Variants in PROSER2 observed in about 807,000 individuals in gnomAD.
PROSER2 encodes proline and serine rich 2, also known as proline and serine-rich protein 2.
A neutral mutation model predicts 14.6 loss-of-function variants in PROSER2; 18 were observed. The ratio of observed to expected loss-of-function variants is 1.23; its 90% confidence interval spans 0.85 to 1.83. PROSER2 has a LOEUF of 1.83. Ranked by LOEUF, PROSER2 falls within the 40% of genes most tolerant of loss-of-function variation. The pLI is 0.00. For missense variants in PROSER2, 823 were observed against 629.8 expected, an observed-to-expected ratio of 1.31 and a Z score of -3.28; for synonymous variants, 367 against 286.4, an observed-to-expected ratio of 1.28 and a Z score of -2.84.
At chr10:11,861,813 C>T (rs954087596) in intron 2 of PROSER2, among the ~76,000 whole-genome samples, 20 of 152,090 alleles carry the variant, frequency 1.3e-4, no homozygotes, top group African/African-American at 3.6e-4. Context: ...CCATGCCTCC[C>T]GAGGAATATA....
intron 1 of PROSER2, among the ~76,000 whole-genome samples, chr10:11,841,890 C>T (rs1346303742): frequency 1.3e-5 from 2 of 152,104 alleles, no homozygotes; most frequent in East Asian, 1.9e-4. Context: ...GATCAAACTT[C>T]CCATTATATT....
intron 2 of PROSER2, among the ~76,000 whole-genome samples, chr10:11,859,551 C>T (rs985129672): frequency 3.9e-5 from 6 of 152,186 alleles, no homozygotes; most frequent in Non-Finnish European, 7.3e-5. Context: ...CCCAAGAAAG[C>T]GGCTATTTTT....
At chr10:11,864,938 T>G (rs1834317293) in intron 2 of PROSER2, among the ~76,000 whole-genome samples, 1 of 152,192 alleles carries the variant, frequency 6.6e-6, no homozygotes, top group African/African-American at 2.4e-5. Context: ...TCTGGGAAGC[T>G]TTCCAGATCT....
intron 2 of PROSER2, among the ~76,000 whole-genome samples, chr10:11,852,473 G>C (rs1834039513): frequency 6.6e-6 from 1 of 152,040 alleles, no homozygotes; most frequent in Non-Finnish European, 1.5e-5. Context: ...GATAGGACCA[G>C]GCCCGGGGCA....
rs932037025 is a variant in PROSER2 at position 11,865,406 on chromosome 10, A to G, written c.139-1125A>G. Among the ~76,000 whole-genome samples, 1 of 152,072 alleles carries G rather than the reference A, an allele frequency of 6.6e-6. No homozygotes were observed. Among genetic ancestry groups the G allele is most frequent in the Admixed American group, 6.6e-5 (1 of 15,262 alleles). On this transcript the variant is annotated intron_variant, in intron 2 of 3. Transcript: ENST00000277570. This position sits in a 1 kb window ranked among gnomAD's most constrained non-coding sequence, Gnocchi z 4.2. ...TTTTTGAAGTTTTCCATCACTCCAC[A>G]TAGTTCATTTCCTGTAAGTTGCTTT...
intron 2 of PROSER2, among the ~76,000 whole-genome samples, chr10:11,859,008 C>CAAAAAAAAAAAAAAAAAAAA (rs750181845): frequency 1.6e-5 from 1 of 61,160 alleles, no homozygotes; most frequent in Non-Finnish European, 3.2e-5. Context: ...GACTCTGTCT[C>CAAAAAAAAAAAAAAAAAAAA]AAAAAAAAAA....
At chr10:11,849,060 G>C (rs1833972614) in intron 1 of PROSER2, among the ~76,000 whole-genome samples, 1 of 150,012 alleles carries the variant, frequency 6.7e-6, no homozygotes, top group African/African-American at 2.5e-5. Context: ...GGTGGCGCAT[G>C]CCTGTAGTCC....
In PROSER2 at chr10:11,866,608, A is replaced by G. The variant is rs1318245664; in HGVS notation, c.216A>G (p.Leu72=). 12 of 1,614,106 alleles carry G rather than the reference A, an allele frequency of 7.4e-6. No homozygotes were observed. In the Admixed American group the frequency reaches 2.0e-4, roughly 27 times the overall value. ...TTTTTGAAGAGACGATTGACTCCCT[A>G]GACGAGGACTTTGAGGAGCCAGTGC... The part of the protein sequence containing the change: ...LLFFEETIDS[L]DEDFEEPVLC... Residue 72 remains leucine (L), a synonymous_variant, in exon 3 of 4, where the codon CTA becomes CTG. Transcript: ENST00000277570. This position sits in a 1 kb window ranked among gnomAD's most constrained non-coding sequence, Gnocchi z 6.0.
chr10:11,863,918 T>C (rs374742416), intron 2 of PROSER2, among the ~76,000 whole-genome samples: 9 of 152,192 alleles, frequency 5.9e-5, no homozygotes, highest in African/African-American at 2.2e-4. Flanking sequence ...CTTGGGCTTG[T>C]TGTGAACTAG....
chr10:11,824,688 A>G (rs1214222267), intron 1 of PROSER2, among the ~76,000 whole-genome samples: 1 of 152,252 alleles, frequency 6.6e-6, no homozygotes, highest in African/African-American at 2.4e-5. Context: ...TTTCTTGTCC[A>G]GACTAGTAAT....
At chr10:11,828,666 A>G (rs1309758444) in intron 1 of PROSER2, among the ~76,000 whole-genome samples, 2 of 152,258 alleles carry the variant, frequency 1.3e-5, no homozygotes, top group East Asian at 3.9e-4. Flanking sequence ...TCACGCCACT[A>G]CACTCCAACC....
Position 11,865,347 on chromosome 10 carries a change from A to G in PROSER2, c.139-1184A>G, listed in dbSNP as rs1834323913. 6.6e-6 allele frequency among the ~76,000 whole-genome samples: 1 copy of G among 152,058 alleles called. No homozygotes were observed. Among genetic ancestry groups the G allele is most frequent in the African/African-American group, 2.4e-5 (1 of 41,404 alleles). Reference sequence around the variant, plus strand: ...AAAAAATCATGCTGTTTATGGATTCAGTATCCCCTCTTATCTGACAACTGA... The same window carrying G: ...AAAAAATCATGCTGTTTATGGATTCGGTATCCCCTCTTATCTGACAACTGA... On this transcript the variant is annotated intron_variant, in intron 2 of 3. Coordinates refer to ENST00000277570, the MANE Select transcript of PROSER2 (RefSeq NM_153256.4). The surrounding 1 kb of genome is among the most constrained non-coding windows in gnomAD (Gnocchi z 4.2).
chr10:11,843,016 C>A (rs1303814667), intron 1 of PROSER2, among the ~76,000 whole-genome samples: 1 of 138,808 alleles, frequency 7.2e-6, no homozygotes, highest in Non-Finnish European at 1.5e-5. Flanking sequence ...TCTCGGCTCA[C>A]TGCAAGTTCC....
intron 1 of PROSER2, among the ~76,000 whole-genome samples, chr10:11,833,252 T>TTTTTTTTTTTTTTC (rs1833712566): frequency 7.5e-6 from 1 of 134,156 alleles, no homozygotes; most frequent in Admixed American, 7.5e-5. Context: ...TTTTTTTTTT[T>TTTTTTTTTTTTTTC]TTTTAGTTCT....
rs1041182061 is a variant in PROSER2 at position 11,832,647 on chromosome 10, G to A, written c.-82+9177G>A. ...ACTCCCCTCCACCGCCCCATGTCCC[G>A]ATTTAAATGTATAAATTGGATGAGA... On this transcript the variant is annotated intron_variant, in intron 1 of 3. Transcript: ENST00000277570. Among the ~76,000 whole-genome samples, 8 of 152,174 alleles carry A rather than the reference G, an allele frequency of 5.3e-5. No homozygotes were observed. The South Asian group carries it at 6.2e-4, about 12-fold the overall frequency.
At position 11,869,291 on chromosome 10, in the gene PROSER2, G is replaced by A. The variant is rs1333364227; in HGVS notation, c.392-199G>A. 3.3e-6 allele frequency: 2 copies of A among 603,716 alleles called. No individual in the cohort carries two copies. The highest frequency in any genetic ancestry group is 3.7e-5 in the African/African-American group (2 of 53,806). The allele number at this position is 603,716 out of a possible 1,614,324, so 37.4% of individuals were successfully genotyped here. A position where few individuals can be genotyped will look rare whatever the true frequency, so the allele number is the denominator to read the frequency against. ...GGGCTATCGTGATTGTCCCTTATCA[G>A]CGTGAGGTCATGAGCATGACATACC... On this transcript the variant is annotated intron_variant, in intron 3 of 3. Coordinates refer to ENST00000277570, the MANE Select transcript of PROSER2 (RefSeq NM_153256.4). This position sits in a 1 kb window ranked among gnomAD's most constrained non-coding sequence, Gnocchi z 4.4.
chr10:11,852,085 T>C lies in PROSER2; in HGVS notation c.8T>C (p.Val3Ala). ...CCTGAGGACTCTGTGGAGATGCCTG[T>C]AACCCACCGGAAATCAGACGCATCT... MPVTHRKSDASDM... is the reference protein window; with the variant it reads MPATHRKSDASDM... The change falls in exon 2 of 4, where the codon GTA becomes GCA. Residue 3 changes from valine (V) to alanine (A), a missense_variant. By Grantham distance (64) the Val-to-Ala change is moderately conservative. Transcript: ENST00000277570. The C allele has an allele frequency of 1.9e-6, 3 of 1,611,748 alleles. No homozygotes were observed. The highest frequency in any genetic ancestry group is 2.5e-6 in the Non-Finnish European group (3 of 1,178,856).
intron 1 of PROSER2, among the ~76,000 whole-genome samples, chr10:11,825,495 C>G (rs998547554): frequency 2.0e-5 from 3 of 152,178 alleles, no homozygotes; most frequent in South Asian, 2.1e-4. Flanking sequence ...CAGCCGTCCC[C>G]GCTCCACTCT....
chr10:11,840,545 C>T (rs1833822462), intron 1 of PROSER2, among the ~76,000 whole-genome samples: 1 of 152,054 alleles, frequency 6.6e-6, no homozygotes, highest in African/African-American at 2.4e-5. Context: ...GGACTTTTTG[C>T]ATCTGCATTC....
Sources: allele counts gnomAD v4.1 joint callset (sites outside exome capture counted in the v4.1 genomes callset), GRCh38; gene constraint gnomAD v4.1.1; non-coding constraint Gnocchi (gnomAD v3.1); transcripts MANE v1.5; gene names NCBI Gene and HGNC (gene_info 2026-07-23, HGNC 2026-07-21).